The following PAPPA2 variants were observed in gnomAD, a reference collection of about 807,000 sequenced individuals.
PAPPA2 encodes pappalysin 2.
In PAPPA2, 86 loss-of-function variants were observed where a neutral mutation model predicts 176.4. The ratio of observed to expected loss-of-function variants is 0.49; its 90% CI spans 0.41 to 0.58. The LOEUF (loss-of-function observed/expected upper bound fraction) is 0.58, where lower values mean the gene tolerates loss of function less well. PAPPA2 is among the 20% of genes least tolerant of loss of function. PAPPA2 has a pLI of 0.00. For synonymous variants in PAPPA2, 809 were observed against 852.2 expected (o/e 0.95, Z 0.88); for missense variants, 2,073 against 2,256.9 (o/e 0.92, Z 1.65).
At chr1:176,737,948 G>A (rs762497786) in intron 12 of PAPPA2, among the ~76,000 whole-genome samples, 52 of 152,010 alleles carry the variant, frequency 3.4e-4, no homozygotes, top group Non-Finnish European at 6.3e-4. Flanking sequence ...GTCCTAATGG[G>A]GTAAAGCCAC....
chr1:176,821,896 A>T (rs1666680156), intron 21 of PAPPA2, among the ~76,000 whole-genome samples: 1 of 152,216 alleles, frequency 6.6e-6, no homozygotes. Flanking sequence ...CATTCGTTAA[A>T]CACATTCACT....
chr1:176,777,346 C>T (rs1233418313), intron 17 of PAPPA2, among the ~76,000 whole-genome samples: 1 of 152,112 alleles, frequency 6.6e-6, no homozygotes, highest in African/African-American at 2.4e-5. Flanking sequence ...CATGAACAGC[C>T]AAGGTTTTGT....
chr1:176,731,953 A>G (rs1345515410), intron 12 of PAPPA2, among the ~76,000 whole-genome samples: 2 of 152,128 alleles, frequency 1.3e-5, no homozygotes, highest in African/African-American at 2.4e-5. Context: ...TCAGATAGTC[A>G]AATTCAAGTG....
At chr1:176,717,209 C>A (rs1038294672) in intron 12 of PAPPA2, among the ~76,000 whole-genome samples, 19 of 152,142 alleles carry the variant, frequency 1.2e-4, no homozygotes, top group Non-Finnish European at 2.1e-4. Context: ...CCCTGCTAAT[C>A]AGAGCAGGAT....
chr1:176,783,081 G>A (rs1255517252), intron 17 of PAPPA2, among the ~76,000 whole-genome samples: 3 of 152,154 alleles, frequency 2.0e-5, no homozygotes, highest in East Asian at 1.9e-4. Context: ...TATCATTTAC[G>A]GAGTTGGGGA....
chr1:176,698,513 C>T (rs1660487760), intron 7 of PAPPA2, among the ~76,000 whole-genome samples: 1 of 151,534 alleles, frequency 6.6e-6, no homozygotes, highest in Non-Finnish European at 1.5e-5. Flanking sequence ...CATTTTTTTT[C>T]CCACTCCATA....
intron 2 of PAPPA2, among the ~76,000 whole-genome samples, chr1:176,578,032 G>A (rs240098): frequency 0.6 from 90,864 of 151,846 alleles, 27,948 homozygotes; most frequent in East Asian, 0.93. Flanking sequence ...GAGGTACAGA[G>A]CAGAACTCTG....
intron 3 of PAPPA2, among the ~76,000 whole-genome samples, chr1:176,635,625 T>C (rs1320334212): frequency 6.6e-6 from 1 of 152,192 alleles, no homozygotes; most frequent in Non-Finnish European, 1.5e-5. Context: ...CTCTCTTAAT[T>C]TCTTGTTTTC....
intron 7 of PAPPA2, among the ~76,000 whole-genome samples, chr1:176,696,217 G>A (rs773533749): frequency 1.4e-4 from 21 of 151,296 alleles, no homozygotes; most frequent in Non-Finnish European, 2.5e-4. Context: ...TGGAGTAGCC[G>A]TGCCATGTGA....
chr1:176,497,513 G>A (rs143445332), intron 1 of PAPPA2, among the ~76,000 whole-genome samples: 279 of 152,272 alleles, frequency 1.8e-3, no homozygotes, highest in African/African-American at 6.5e-3. Context: ...GAGCCCCAAG[G>A]GGGATCTTTT....
chr1:176,628,589 T>C (rs538510275), intron 3 of PAPPA2, among the ~76,000 whole-genome samples: 2 of 152,322 alleles, frequency 1.3e-5, no homozygotes, highest in East Asian at 1.9e-4. Context: ...GTTTAATTAC[T>C]ATTGGATATT....
At chr1:176,623,629 TA>T (rs1655750228) in intron 3 of PAPPA2, among the ~76,000 whole-genome samples, 1 of 103,226 alleles carries the variant, frequency 9.7e-6, no homozygotes, top group African/African-American at 3.3e-5. Flanking sequence ...CTTCCTTTTT[TA>T]CTTTCTTTCT....
intron 3 of PAPPA2, among the ~76,000 whole-genome samples, chr1:176,670,279 T>G (rs1022080572): frequency 3.9e-5 from 6 of 152,208 alleles, no homozygotes; most frequent in African/African-American, 1.4e-4. Flanking sequence ...TGTGCATCAA[T>G]GCAAACATAA....
chr1:176,737,391 G>C (rs1662469547), intron 12 of PAPPA2, among the ~76,000 whole-genome samples: 1 of 151,944 alleles, frequency 6.6e-6, no homozygotes, highest in Non-Finnish European at 1.5e-5. Context: ...GATTCAGGCT[G>C]GTTTCTATTT....
chr1:176,732,934 G>A (rs766626975), intron 12 of PAPPA2, among the ~76,000 whole-genome samples: 1 of 152,186 alleles, frequency 6.6e-6, no homozygotes. Flanking sequence ...AGAATTGGGT[G>A]AAAGAATATT....
intron 2 of PAPPA2, among the ~76,000 whole-genome samples, chr1:176,574,760 A>G (rs913326516): frequency 6.6e-6 from 1 of 152,224 alleles, no homozygotes; most frequent in Non-Finnish European, 1.5e-5. Context: ...GTGTTGGTTA[A>G]CAAGACACCA....
intron 2 of PAPPA2, among the ~76,000 whole-genome samples, chr1:176,576,266 A>G (rs1236311071): frequency 1.3e-5 from 2 of 152,146 alleles, no homozygotes; most frequent in Non-Finnish European, 2.9e-5. Context: ...CTCTTTGCCA[A>G]CTTAATGGAC....
chr1:176,822,450 G>GCAC (rs1666701759), intron 21 of PAPPA2, among the ~76,000 whole-genome samples: 1 of 152,064 alleles, frequency 6.6e-6, no homozygotes, highest in African/African-American at 2.4e-5. Flanking sequence ...AGTGATTTTG[G>GCAC]CACCTCAACT....
chr1:176,588,824 G>T (rs1653483593), intron 2 of PAPPA2, among the ~76,000 whole-genome samples: 1 of 152,172 alleles, frequency 6.6e-6, no homozygotes, highest in Admixed American at 6.5e-5. Flanking sequence ...GGCTGCCCTG[G>T]GGGTGTGTCC....
Sources: allele counts gnomAD v4.1 joint callset (sites outside exome capture counted in the v4.1 genomes callset), GRCh38; gene constraint gnomAD v4.1.1; transcripts MANE v1.5; gene names NCBI Gene and HGNC (gene_info 2026-07-23, HGNC 2026-07-21).